The following FOCAD variants were observed in gnomAD, a reference collection of about 807,000 sequenced individuals.
FOCAD encodes focadhesin.
A neutral mutation model predicts 225.6 loss-of-function variants in FOCAD; 198 were observed. The ratio of observed to expected loss-of-function variants is 0.88; its 90% CI spans 0.78 to 0.99. FOCAD has a LOEUF of 0.99. FOCAD is among the 50% of genes least tolerant of loss of function. FOCAD has a pLI of 0.00. For missense variants in FOCAD, 2,713 were observed against 2,123.6 expected, an observed-to-expected ratio of 1.28 and a Z score of -5.46; for synonymous variants, 897 against 755.0, an observed-to-expected ratio of 1.19 and a Z score of -3.08.
intron 21 of FOCAD, among the ~76,000 whole-genome samples, chr9:20,889,705 A>T (rs890402150): frequency 2.0e-5 from 3 of 152,302 alleles, no homozygotes; most frequent in Admixed American, 1.3e-4. Flanking sequence ...ATGTTTCAAA[A>T]AAAGTTCTGA....
intron 23 of FOCAD, among the ~76,000 whole-genome samples, chr9:20,914,036 A>G (rs1438520897): frequency 2.0e-5 from 3 of 151,828 alleles, no homozygotes; most frequent in African/African-American, 7.3e-5. Context: ...AGGCCAAGGC[A>G]GGTGGATCAT....
chr9:20,903,766 A>G (rs1832737259), intron 21 of FOCAD, among the ~76,000 whole-genome samples: 1 of 151,970 alleles, frequency 6.6e-6, no homozygotes, highest in Non-Finnish European at 1.5e-5. Flanking sequence ...AAAACAAACC[A>G]TTTTAAAGTG....
At chr9:20,678,095 C>G (rs183235167) in intron 2 of FOCAD, among the ~76,000 whole-genome samples, 102 of 152,298 alleles carry the variant, frequency 6.7e-4, no homozygotes, top group Non-Finnish European at 4.4e-4. Context: ...CAAATTTACT[C>G]TCTGGTCCAT....
In FOCAD at chr9:20,716,987, T is replaced by G. The variant is rs539703208; in HGVS notation, c.58-807T>G. On this transcript the variant is annotated intron_variant, in intron 2 of 43. Coordinates refer to ENST00000338382, the MANE Select transcript of FOCAD (RefSeq NM_001375567.1). ...GCAATTCCTGGTCAGTTCCATTCAA[T>G]GAAATATGGTATGTTTTGTAAAACA... Among the ~76,000 whole-genome samples the G allele has an allele frequency of 2.0e-5, 3 of 152,330 alleles. No individual in the cohort carries two copies. In the East Asian group the frequency reaches 5.8e-4, roughly 29 times the overall value.
chr9:20,934,065 T>C (rs1353480613), intron 28 of FOCAD, among the ~76,000 whole-genome samples: 3 of 152,170 alleles, frequency 2.0e-5, no homozygotes, highest in African/African-American at 7.2e-5. Context: ...TTTGTTTTTG[T>C]CTTGCTAATT....
At chr9:20,849,149 T>C (rs1211053376) in intron 15 of FOCAD, among the ~76,000 whole-genome samples, 1 of 151,952 alleles carries the variant, frequency 6.6e-6, no homozygotes, top group Admixed American at 6.6e-5. Context: ...TTCACTTCTC[T>C]TGAGTGAAAA....
At position 20,778,754 on chromosome 9, in the gene FOCAD, C is replaced by A; in HGVS notation, c.980C>A (p.Pro327Gln). The change falls in exon 9 of 44, where the codon CCA becomes CAA. Residue 327 changes from proline (P) to glutamine (Q), a missense_variant. By Grantham distance (76) the Pro-to-Gln change is moderately conservative. Transcript: ENST00000338382. ...CAGACTCCAGCAAGTCAGCAGAAGC[C>A]AATCTTAAATCTAGGTAAATAAAAA... is the stretch of plus-strand genomic sequence containing the variant. The part of the protein sequence containing the change: ...LLQTPASQQK[P>Q]ILNLALKLLS... The A allele has an allele frequency of 1.2e-6, 2 of 1,604,444 alleles. No individual in the cohort carries two copies. The highest frequency in any genetic ancestry group is 1.1e-5 in the South Asian group (1 of 90,774).
At chr9:20,763,854 G>T (rs894442277) in intron 6 of FOCAD, among the ~76,000 whole-genome samples, 2 of 152,096 alleles carry the variant, frequency 1.3e-5, no homozygotes, top group African/African-American at 4.8e-5. Flanking sequence ...TGATCATTCC[G>T]GTGTTTTAGT....
At chr9:20,753,304 G>A (rs1347631164) in intron 5 of FOCAD, among the ~76,000 whole-genome samples, 2 of 151,792 alleles carry the variant, frequency 1.3e-5, no homozygotes, top group Non-Finnish European at 2.9e-5. Context: ...GTTTGTCATA[G>A]ATAGCTCTTA....
chr9:20,970,560 T>C (rs7854932), intron 35 of FOCAD, among the ~76,000 whole-genome samples: 59,087 of 151,762 alleles, frequency 0.39, 11,808 homozygotes, highest in East Asian at 0.51. Flanking sequence ...CTTTTTGATA[T>C]TCTCTTTTTT....
At chr9:20,708,156 C>T (rs1378311132) in intron 1 of FOCAD, among the ~76,000 whole-genome samples, 2 of 152,050 alleles carry the variant, frequency 1.3e-5, no homozygotes, top group Non-Finnish European at 2.9e-5. Flanking sequence ...AAAATCAGCT[C>T]AAAATTTATT....
intron 15 of FOCAD, among the ~76,000 whole-genome samples, chr9:20,835,315 T>C (rs1008369367): frequency 1.8e-4 from 27 of 152,232 alleles, no homozygotes; most frequent in African/African-American, 6.5e-4. Context: ...AAAGTCTAAG[T>C]AACATACCCA....
intron 2 of FOCAD, among the ~76,000 whole-genome samples, chr9:20,672,524 C>T (rs1034639333): frequency 1.3e-5 from 2 of 152,226 alleles, no homozygotes; most frequent in African/African-American, 2.4e-5. Context: ...AATCTAGGCT[C>T]ACTGCAAGCT....
At chr9:20,718,005 T>A in intron 3 of FOCAD, 137 bp downstream of exon 3, 1 of 598,674 alleles carries the variant, frequency 1.7e-6, no homozygotes. Flanking sequence ...TTCATTGCCT[T>A]TTTTGTTTAT....
In FOCAD at chr9:20,664,583, G is replaced by C. The variant is rs556755561; in HGVS notation, c.-78+5757G>C. 4.0e-5 allele frequency among the ~76,000 whole-genome samples: 6 copies of C among 151,690 alleles called. No individual in the cohort carries two copies. The South Asian group carries it at 1.0e-3, about 26-fold the overall frequency. On this transcript the variant is annotated intron_variant, in intron 2 of 45. Transcript: ENST00000380249. ...AATCCCATAAAGAAGGAACCTTATA[G>C]TGGAGAGCTTCAAATGCCAGAGTGA...
chr9:20,941,712 G>A (rs1462783561), intron 28 of FOCAD, among the ~76,000 whole-genome samples: 2 of 152,102 alleles, frequency 1.3e-5, no homozygotes, highest in Non-Finnish European at 2.9e-5. Flanking sequence ...CACTCTTATA[G>A]AACATTTATG....
At chr9:20,785,321 T>G (rs1043732191) in intron 10 of FOCAD, among the ~76,000 whole-genome samples, 1 of 152,198 alleles carries the variant, frequency 6.6e-6, no homozygotes, top group African/African-American at 2.4e-5. Context: ...GTATATTCAT[T>G]ACCACAATCC....
intron 26 of FOCAD, among the ~76,000 whole-genome samples, chr9:20,926,792 A>AAAAAG (rs1834994718): frequency 6.7e-6 from 1 of 149,112 alleles, no homozygotes; most frequent in African/African-American, 2.5e-5. Flanking sequence ...TCAAAAAAAA[A>AAAAAG]AAAAAGAAAA....
rs141687857 is a variant in FOCAD, at chr9:20,678,356, C to T, written c.-77-16164C>T. On this transcript the variant is annotated intron_variant, in intron 2 of 45. Transcript: ENST00000380249. ...CAAACTACCAAGCATGTGAATGAGG[C>T]CATCCTAGACCAGCCAAGCTTTAAG... Among the ~76,000 whole-genome samples, 8 of 152,254 alleles carry T rather than the reference C, an allele frequency of 5.3e-5. No individual in the cohort carries two copies. The East Asian group carries it at 1.5e-3, about 29-fold the overall frequency.
Sources: allele counts gnomAD v4.1 joint callset (sites outside exome capture counted in the v4.1 genomes callset), GRCh38; gene constraint gnomAD v4.1.1; transcripts MANE v1.5; gene names NCBI Gene and HGNC (gene_info 2026-07-23, HGNC 2026-07-21).